The following QPRT variants were observed in gnomAD, a reference collection of about 807,000 sequenced individuals.
QPRT encodes the protein nicotinate-nucleotide pyrophosphorylase [carboxylating].
A neutral mutation model predicts 19.8 loss-of-function variants in QPRT; 17 were observed. That is an observed-to-expected ratio of 0.86 (90% CI 0.59 to 1.29). The LOEUF is 1.29. Among genes scored for constraint, QPRT ranks in the 50% most tolerant of loss-of-function variants. The pLI is 0.00. For missense variants in QPRT, 336 were observed against 405.1 expected, an observed-to-expected ratio of 0.83 and a Z score of 1.46; for synonymous variants, 178 against 191.0, an observed-to-expected ratio of 0.93 and a Z score of 0.56.
At chr16:29,691,078 A>G (rs550472196) in intron 1 of QPRT, among the ~76,000 whole-genome samples, 2 of 151,602 alleles carry the variant, frequency 1.3e-5, no homozygotes, top group Admixed American at 6.6e-5. Flanking sequence ...GAAAAAAATC[A>G]GTCTGGCCAG....
rs150988971 is a variant in QPRT at position 29,686,478 on chromosome 16, G to A, written c.13+7268G>A. Among the ~76,000 whole-genome samples the A allele has an allele frequency of 2.5e-3, 377 of 152,156 alleles. 4 individuals are homozygous for A. Among genetic ancestry groups the A allele is most frequent in the African/African-American group, 8.5e-3 (353 of 41,528 alleles). ...ACCCTGTGCTAGACAGTGTTCCTAA[G>A]GGCTTTCAAACATAAAGTCTTTTGT... On this transcript the variant is annotated intron_variant, in intron 1 of 3. Transcript: ENST00000395384.
At chr16:29,690,879 T>A (rs903041408) in intron 1 of QPRT, among the ~76,000 whole-genome samples, 5 of 151,948 alleles carry the variant, frequency 3.3e-5, no homozygotes, top group African/African-American at 1.2e-4. Context: ...TTCGTAGAGA[T>A]GGGATTTCAC....
Position 29,697,415 on chromosome 16 carries a change from TA to T in QPRT, c.*7del. The T allele has an allele frequency of 6.2e-7, 1 of 1,607,738 alleles. No individual in the cohort carries two copies. On this transcript the variant is annotated 3_prime_UTR_variant, in exon 4 of 4. Transcript: ENST00000395384. The surrounding 1 kb of genome is among the most constrained non-coding windows in gnomAD (Gnocchi z 4.4). Reference sequence around the variant, plus strand: ...TCCAGTGCCCAAAATCCACTAGTCCTAAACCGGAAGAGGATGACACCGGCCA... The same window carrying T: ...TCCAGTGCCCAAAATCCACTAGTCCTAACCGGAAGAGGATGACACCGGCCA...
chr16:29,681,358 T>C (rs1966996327), intron 1 of QPRT, among the ~76,000 whole-genome samples: 2 of 151,894 alleles, frequency 1.3e-5, no homozygotes, highest in Middle Eastern at 3.4e-3. Flanking sequence ...CAGGATTCTT[T>C]ACTGAGGGAT....
chr16:29,697,218 C>T lies in QPRT; in HGVS notation c.701C>T (p.Thr234Ile), dbSNP rs766250400. The change falls in exon 4 of 4, where the codon ACC (threonine) becomes ATC (isoleucine). Residue 234 changes from threonine to isoleucine, a missense_variant. Coordinates refer to ENST00000395384, the MANE Select transcript of QPRT (RefSeq NM_014298.6). The surrounding 1 kb of genome is among the most constrained non-coding windows in gnomAD (Gnocchi z 4.4). ...FKPEELHPTA[T>I]VLKAQFPSVA... ...CCGCAGGAGCTGCACCCCACGGCCA[C>T]CGTGCTGAAGGCCCAGTTCCCGAGT... 1.2e-6 allele frequency: 2 copies of T among 1,612,108 alleles called. No individual in the cohort carries two copies. The highest frequency in any genetic ancestry group is 2.2e-5 in the South Asian group (2 of 90,862).
intron 1 of QPRT, among the ~76,000 whole-genome samples, chr16:29,684,388 C>CA (rs201218867): frequency 1.9e-3 from 283 of 152,284 alleles, no homozygotes; most frequent in African/African-American, 6.7e-3. Context: ...CTCTGCCTCC[C>CA]AGGTTCAAGC....
chr16:29,679,070 G>A, upstream of QPRT: 3 of 1,551,662 alleles, frequency 1.9e-6, no homozygotes, highest in Non-Finnish European at 2.7e-6. Context: ...GGCTTGGGGA[G>A]CCTGGGAAGG....
At chr16:29,679,178 C>G (rs748126350), upstream of QPRT, 1 of 1,613,728 alleles carries the variant, frequency 6.2e-7, no homozygotes. Context: ...ACACACCAGC[C>G]CAGACAGCTG....
At position 29,697,517 on chromosome 16, in the gene QPRT, C is replaced by G; in HGVS notation, c.*106C>G. 1 of 1,204,504 alleles carries G rather than the reference C, an allele frequency of 8.3e-7. No homozygotes were observed. The highest frequency in any genetic ancestry group is 1.5e-5 in the African/African-American group (1 of 65,534). 74.6% of individuals were successfully genotyped at this position (1,204,504 alleles called of 1,614,324 possible). On this transcript the variant is annotated 3_prime_UTR_variant, in exon 4 of 4. Coordinates refer to ENST00000395384, the MANE Select transcript of QPRT (RefSeq NM_014298.6). The surrounding 1 kb of genome is among the most constrained non-coding windows in gnomAD (Gnocchi z 4.4). Reference sequence around the variant, plus strand: ...AGTGGCCAATGGGGCACATTTGGCACTAGCTTGAGCCCAACTCTGGCTCTG... The same window carrying G: ...AGTGGCCAATGGGGCACATTTGGCAGTAGCTTGAGCCCAACTCTGGCTCTG...
chr16:29,694,503 C>T (rs1967452721), intron 1 of QPRT, among the ~76,000 whole-genome samples, 161 bp from the exon 2 acceptor site: 1 of 152,060 alleles, frequency 6.6e-6, no homozygotes, highest in Non-Finnish European at 1.5e-5. Flanking sequence ...CCTCCCTTCC[C>T]CCCACGCCCC....
At chr16:29,692,670 G>A (rs77817530) in intron 1 of QPRT, among the ~76,000 whole-genome samples, 1,837 of 152,292 alleles carry the variant, frequency 0.012, 22 homozygotes, top group Non-Finnish European at 0.02. Context: ...GCTAGATGCG[G>A]TGGCTGACGC....
intron 1 of QPRT, among the ~76,000 whole-genome samples, chr16:29,686,845 C>T (rs1967177107): frequency 6.6e-6 from 1 of 152,204 alleles, no homozygotes; most frequent in African/African-American, 2.4e-5. Context: ...CCTGGCTTCC[C>T]AGAGTGCTGG....
Position 29,694,781 on chromosome 16 carries a change from C to A in QPRT, c.131C>A (p.Ala44Glu), listed in dbSNP as rs1213302121. Residue 44 changes from alanine to glutamate, a missense_variant, in exon 2 of 4, where the codon GCG (alanine) becomes GAG (glutamate). Ala to Glu is a moderately radical substitution (Grantham distance 107). Transcript: ENST00000395384. The part of the protein sequence containing the change: ...ALVSGAGPSQ[A>E]ALWAKSPGVL... ...GTCAGCGGGGCAGGCCCCTCGCAGG[C>A]GGCGCTGTGGGCCAAATCCCCTGGG... 2 of 1,613,794 alleles carry A rather than the reference C, an allele frequency of 1.2e-6. No homozygotes were observed. Among genetic ancestry groups the A allele is most frequent in the East Asian group, 2.2e-5 (1 of 44,874 alleles).
chr16:29,694,267 C>G (rs559483736), intron 1 of QPRT, among the ~76,000 whole-genome samples: 47 of 152,058 alleles, frequency 3.1e-4, no homozygotes, highest in Non-Finnish European at 6.0e-4. Context: ...TACAGGCGCC[C>G]GCCACCAAGC....
intron 2 of QPRT, 86 bp from the exon 3 acceptor site, chr16:29,696,910 C>A: frequency 6.9e-7 from 1 of 1,456,780 alleles, no homozygotes; most frequent in Non-Finnish European, 9.1e-7. Flanking sequence ...TGGGCCCTAT[C>A]GTCACCCTCG....
chr16:29,695,131 C>A lies in QPRT; in HGVS notation c.481C>A (p.Arg161Ser). The A allele has an allele frequency of 6.3e-7, 1 of 1,586,944 alleles. No individual in the cohort carries two copies. Among genetic ancestry groups the A allele is most frequent in the African/African-American group, 1.3e-5 (1 of 74,856 alleles). ...CCTGGTGGGCGGGGCCGCCTCGCAC[C>A]GCTACGACCTGGGAGGGCTGGTGAT... ...GLLVGGAASH[R>S]YDLGGLVMVK... The change falls in exon 2 of 4, where the codon CGC becomes AGC. Residue 161 changes from arginine to serine, a missense_variant. Transcript: ENST00000395384.
upstream of QPRT, chr16:29,679,048 G>A (rs1205160569): frequency 1.4e-6 from 2 of 1,392,646 alleles, no homozygotes; most frequent in Non-Finnish European, 2.0e-6. Context: ...GCCTGGCAGA[G>A]GACAGGAGGG....
At chr16:29,693,769 T>C (rs907441256) in intron 1 of QPRT, among the ~76,000 whole-genome samples, 9 of 151,044 alleles carry the variant, frequency 6.0e-5, no homozygotes, top group Admixed American at 1.3e-4. Flanking sequence ...GTATTTTTAG[T>C]AGAGACAGGA....
chr16:29,688,209 G>A (rs1289524183), intron 1 of QPRT, among the ~76,000 whole-genome samples: 3 of 152,078 alleles, frequency 2.0e-5, no homozygotes, highest in African/African-American at 7.2e-5. Context: ...CCATGAGAAA[G>A]CACTGGGGGT....
Sources: allele counts gnomAD v4.1 joint callset (sites outside exome capture counted in the v4.1 genomes callset), GRCh38; gene constraint gnomAD v4.1.1; non-coding constraint Gnocchi (gnomAD v3.1); transcripts MANE v1.5; gene names NCBI Gene and HGNC (gene_info 2026-07-23, HGNC 2026-07-21).